Variants in ULK4 observed in about 807,000 individuals in gnomAD.
ULK4 encodes unc-51 like kinase 4.
A neutral mutation model predicts 160.6 loss-of-function variants in ULK4; 133 were observed. The ratio of observed to expected loss-of-function variants is 0.83; its 90% CI spans 0.72 to 0.96. The LOEUF is 0.96. Ranked by LOEUF, ULK4 falls within the 40% of genes least tolerant of loss-of-function variation. ULK4 has a pLI of 0.00. For synonymous variants in ULK4, 534 were observed against 539.8 expected (o/e 0.99, Z 0.15); for missense variants, 1,580 against 1,499.5 (o/e 1.05, Z -0.89).
At chr3:41,535,989 G>A (rs1376125646) in intron 32 of ULK4, among the ~76,000 whole-genome samples, 1 of 152,136 alleles carries the variant, frequency 6.6e-6, no homozygotes, top group African/African-American at 2.4e-5. Context: ...GCAGCAAGAA[G>A]CTCAGGATTC....
chr3:41,648,554 T>C (rs1226979748), intron 30 of ULK4, among the ~76,000 whole-genome samples: 7 of 152,214 alleles, frequency 4.6e-5, no homozygotes, highest in Admixed American at 4.6e-4. Flanking sequence ...TTGATAGACC[T>C]CATCAATTGC....
intron 12 of ULK4, among the ~76,000 whole-genome samples, chr3:41,903,612 G>C (rs1698449367): frequency 6.7e-6 from 1 of 149,850 alleles, no homozygotes; most frequent in Non-Finnish European, 1.5e-5. Context: ...AATGTAAGAT[G>C]AGTAAGGTGG....
chr3:41,788,852 A>G (rs190666925), intron 21 of ULK4, among the ~76,000 whole-genome samples: 311 of 152,312 alleles, frequency 2.0e-3, no homozygotes, highest in African/African-American at 7.2e-3. Flanking sequence ...TTGCTTTCCA[A>G]ATTTATATAT....
intron 35 of ULK4, among the ~76,000 whole-genome samples, chr3:41,396,797 C>T (rs9311274): frequency 0.57 from 86,103 of 151,994 alleles, 25,775 homozygotes; most frequent in African/African-American, 0.79. Flanking sequence ...ACTTGGGGAA[C>T]TGAACTAGAC....
chr3:41,912,261 C>T (rs1244480726), intron 9 of ULK4, among the ~76,000 whole-genome samples: 1 of 143,782 alleles, frequency 7.0e-6, no homozygotes, highest in African/African-American at 2.6e-5. Flanking sequence ...CCAGGGAGGT[C>T]AAGGCTGCAA....
At chr3:41,492,321 T>C (rs890565726) in intron 32 of ULK4, among the ~76,000 whole-genome samples, 7 of 152,142 alleles carry the variant, frequency 4.6e-5, no homozygotes, top group Admixed American at 1.3e-4. Context: ...ACTTCCACAA[T>C]GGTTGAACTA....
At chr3:41,607,154 C>T (rs914753735) in intron 31 of ULK4, among the ~76,000 whole-genome samples, 3 of 152,068 alleles carry the variant, frequency 2.0e-5, no homozygotes, top group East Asian at 3.9e-4. Flanking sequence ...GGTCTCAAGC[C>T]ACCATAGTGA....
intron 31 of ULK4, among the ~76,000 whole-genome samples, chr3:41,568,433 T>C (rs1479084017): frequency 1.3e-5 from 2 of 152,234 alleles, no homozygotes; most frequent in Non-Finnish European, 2.9e-5. Context: ...TTTAGGATTG[T>C]TGCATCTATG....
chr3:41,933,712 G>A (rs914730461), intron 4 of ULK4, among the ~76,000 whole-genome samples: 4 of 151,086 alleles, frequency 2.6e-5, no homozygotes, highest in Admixed American at 6.6e-5. Flanking sequence ...TTTTTAAGCC[G>A]TATCTGAAAA....
chr3:41,652,527 T>C (rs1192963065), intron 30 of ULK4, among the ~76,000 whole-genome samples: 1 of 152,184 alleles, frequency 6.6e-6, no homozygotes, highest in African/African-American at 2.4e-5. Flanking sequence ...GTTTAAGTCA[T>C]AAGCCAGAAC....
chr3:41,781,794 C>G (rs182909578), intron 21 of ULK4, among the ~76,000 whole-genome samples: 157 of 152,168 alleles, frequency 1.0e-3, no homozygotes, highest in Admixed American at 3.9e-3. Flanking sequence ...CAAAATTCAG[C>G]TAGGCGTGGT....
intron 35 of ULK4, among the ~76,000 whole-genome samples, chr3:41,256,271 C>T (rs2078833130): frequency 6.6e-6 from 1 of 152,046 alleles, no homozygotes; most frequent in Non-Finnish European, 1.5e-5. Context: ...GGCAAAGGAG[C>T]CAGAACAGGT....
Position 41,911,589 on chromosome 3 carries a change from C to CT in ULK4, c.966dup (p.Ala323SerfsTer21). 5 of 1,614,056 alleles carry CT rather than the reference C, an allele frequency of 3.1e-6. No individual in the cohort carries two copies. Among genetic ancestry groups the CT allele is most frequent in the Non-Finnish European group, 3.4e-6 (4 of 1,180,030 alleles). ...GGTTGACCACTCTTGTGCCCTTTTG[C>CT]TTGTCTACTCTGAGAGTTCTGCAAA... On this transcript the variant is annotated frameshift_variant, in exon 10 of 37. Transcript: ENST00000301831. LOFTEE classifies it high-confidence loss of function.
intron 32 of ULK4, among the ~76,000 whole-genome samples, chr3:41,467,470 T>C (rs1257649150): frequency 6.6e-6 from 1 of 152,144 alleles, no homozygotes; most frequent in African/African-American, 2.4e-5. Context: ...GAAGTTGTAG[T>C]GAGCTGAGAT....
chr3:41,820,619 TACA>T (rs1390909800), intron 18 of ULK4, among the ~76,000 whole-genome samples: 1 of 151,960 alleles, frequency 6.6e-6, no homozygotes, highest in Non-Finnish European at 1.5e-5. Flanking sequence ...CACTAGAGAC[TACA>T]ACAAGTGGGG....
At chr3:41,946,626 T>G (rs1700119309) in intron 2 of ULK4, among the ~76,000 whole-genome samples, 1 of 152,234 alleles carries the variant, frequency 6.6e-6, no homozygotes, top group Non-Finnish European at 1.5e-5. Flanking sequence ...TGGAAAGGCA[T>G]CAGTTTACCA....
intron 35 of ULK4, among the ~76,000 whole-genome samples, chr3:41,349,593 G>A (rs961051423): frequency 1.3e-5 from 2 of 152,102 alleles, no homozygotes; most frequent in African/African-American, 2.4e-5. Context: ...GAATTACTAC[G>A]AGTAGTCATA....
chr3:41,306,147 CCCCGCCAGG>C (rs1559515297), intron 35 of ULK4, among the ~76,000 whole-genome samples: 9 of 121,156 alleles, frequency 7.4e-5, no homozygotes, highest in Non-Finnish European at 1.0e-4. Context: ...GGGGTCAGCC[CCCCGCCAGG>C]CCAGCCGCCC....
At chr3:41,620,208 T>C (rs572169052) in intron 30 of ULK4, among the ~76,000 whole-genome samples, 2 of 152,308 alleles carry the variant, frequency 1.3e-5, no homozygotes, top group South Asian at 4.1e-4. Flanking sequence ...GTACCATTCC[T>C]TCTGGAACCA....
Sources: allele counts gnomAD v4.1 joint callset (sites outside exome capture counted in the v4.1 genomes callset), GRCh38; gene constraint gnomAD v4.1.1; transcripts MANE v1.5; gene names NCBI Gene and HGNC (gene_info 2026-07-23, HGNC 2026-07-21).